The following UBAP1 variants were observed in gnomAD, a reference collection of about 807,000 sequenced individuals.
The protein encoded by UBAP1 is ubiquitin-associated protein 1.
In UBAP1, 5 loss-of-function variants were observed where a neutral mutation model predicts 39.0. The ratio of observed to expected loss-of-function variants is 0.13; its 90% confidence interval spans 0.07 to 0.27. The LOEUF is 0.27. Among genes scored for constraint, UBAP1 ranks in the 10% least tolerant of loss-of-function variants. UBAP1 has a pLI of 1.00. For synonymous variants in UBAP1, 211 were observed against 225.1 expected, an observed-to-expected ratio of 0.94 and a Z score of 0.56; for missense variants, 490 against 608.1, an observed-to-expected ratio of 0.81 and a Z score of 2.04.
At chr9:34,233,729 T>C (rs1020308270) in intron 2 of UBAP1, among the ~76,000 whole-genome samples, 4 of 151,860 alleles carry the variant, frequency 2.6e-5, no homozygotes, top group Admixed American at 6.6e-5. Context: ...AGTATTGTAG[T>C]GAGGGTGGGG....
chr9:34,186,130 T>A (rs1043153552), intron 1 of UBAP1, among the ~76,000 whole-genome samples: 2 of 152,226 alleles, frequency 1.3e-5, no homozygotes, highest in Non-Finnish European at 2.9e-5. Context: ...CATTGTGAAC[T>A]GCTTGTTCTC....
intron 1 of UBAP1, among the ~76,000 whole-genome samples, chr9:34,210,907 G>A (rs1378141598): frequency 6.6e-6 from 1 of 151,652 alleles, no homozygotes; most frequent in Non-Finnish European, 1.5e-5. Flanking sequence ...CTGCATGTCA[G>A]GCAGTATATA....
intron 1 of UBAP1, among the ~76,000 whole-genome samples, chr9:34,213,284 G>A (rs1449415689): frequency 6.6e-6 from 1 of 152,152 alleles, no homozygotes; most frequent in African/African-American, 2.4e-5. Context: ...GCCGAGGCAG[G>A]TGGATTACCT....
chr9:34,250,526 A>C (rs1288625718), intron 5 of UBAP1, 132 bp from the exon 6 acceptor site: 1 of 616,250 alleles, frequency 1.6e-6, no homozygotes, highest in Non-Finnish European at 2.8e-6. Flanking sequence ...AAGGCACAAA[A>C]TCAAATCCTA....
chr9:34,216,218 T>C (rs1832308628), intron 1 of UBAP1, among the ~76,000 whole-genome samples: 1 of 151,816 alleles, frequency 6.6e-6, no homozygotes, highest in Non-Finnish European at 1.5e-5. Context: ...AAAAAAAAAC[T>C]TACTGAGGTG....
intron 1 of UBAP1, among the ~76,000 whole-genome samples, chr9:34,187,187 C>T (rs887242812): frequency 2.6e-5 from 4 of 152,198 alleles, no homozygotes; most frequent in Non-Finnish European, 4.4e-5. Context: ...GGATTACAGG[C>T]GTGAGCCACT....
chr9:34,201,809 C>T (rs952736118), intron 1 of UBAP1, among the ~76,000 whole-genome samples: 3 of 152,134 alleles, frequency 2.0e-5, no homozygotes, highest in African/African-American at 7.2e-5. Context: ...CCCTAGCACT[C>T]ATCAGTCACA....
chr9:34,194,243 T>C (rs1830894889), intron 1 of UBAP1, among the ~76,000 whole-genome samples: 1 of 152,140 alleles, frequency 6.6e-6, no homozygotes, highest in Non-Finnish European at 1.5e-5. Flanking sequence ...GGCTAAAAAA[T>C]TATATTGCTA....
intron 1 of UBAP1, among the ~76,000 whole-genome samples, chr9:34,206,800 T>G (rs974180428): frequency 3.3e-5 from 5 of 151,950 alleles, no homozygotes; most frequent in African/African-American, 1.2e-4. Flanking sequence ...AGCATCGGAT[T>G]CTGCTTTTTT....
chr9:34,215,852 G>C (rs2131564458), intron 1 of UBAP1, among the ~76,000 whole-genome samples: 1 of 152,070 alleles, frequency 6.6e-6, no homozygotes, highest in Admixed American at 6.6e-5. Flanking sequence ...TTTGAGCTTT[G>C]AGAGACTGAA....
chr9:34,182,662 TC>T (rs749665511), intron 1 of UBAP1, among the ~76,000 whole-genome samples: 3 of 58,490 alleles, frequency 5.1e-5, no homozygotes, highest in African/African-American at 1.2e-4. Flanking sequence ...TTTCTTTCTT[TC>T]TTTCTTTCTT....
chr9:34,226,109 G>GTGTGTGTGTA (rs1188905548), intron 2 of UBAP1, among the ~76,000 whole-genome samples: 16 of 53,950 alleles, frequency 3.0e-4, no homozygotes, highest in African/African-American at 7.9e-4. Context: ...ACTCTATTGT[G>GTGTGTGTGTA]TGTGTGTGTG....
chr9:34,205,691 C>G (rs1038191226), intron 1 of UBAP1, among the ~76,000 whole-genome samples: 3 of 152,068 alleles, frequency 2.0e-5, no homozygotes, highest in Non-Finnish European at 4.4e-5. Context: ...AGCTGCAGAT[C>G]TTAAGAAATC....
At chr9:34,246,185 G>A (rs1049375722) in intron 4 of UBAP1, among the ~76,000 whole-genome samples, 1 of 152,138 alleles carries the variant, frequency 6.6e-6, no homozygotes, top group African/African-American at 2.4e-5. Flanking sequence ...TCCTGCCTCA[G>A]CCTTCTGGGT....
rs989339187 is a variant in UBAP1 at position 34,179,481 on chromosome 9, C to T, written c.-8+241C>T. Among the ~76,000 whole-genome samples, 3 of 151,750 alleles carry T rather than the reference C, an allele frequency of 2.0e-5. No individual in the cohort carries two copies. The East Asian group carries it at 5.8e-4, about 30-fold the overall frequency. On this transcript the variant is annotated intron_variant, in intron 1 of 6. Transcript: ENST00000297661. Reference sequence around the variant, plus strand: ...GAAGTGGGATGCGGAAAAATGAGTTCGGATTAAGGAGACTAATACCCTACT... The same window carrying T: ...GAAGTGGGATGCGGAAAAATGAGTTTGGATTAAGGAGACTAATACCCTACT...
At chr9:34,216,859 G>C (rs527563931) in intron 1 of UBAP1, among the ~76,000 whole-genome samples, 133 of 151,714 alleles carry the variant, frequency 8.8e-4, no homozygotes, top group African/African-American at 3.0e-3. Context: ...ATTACCCAGG[G>C]TGGTCTCAAA....
Position 34,241,786 on chromosome 9 carries a change from T to TC in UBAP1, c.767dup (p.Ile257TyrfsTer16). 6.2e-7 allele frequency: 1 copy of TC among 1,613,872 alleles called. No individual in the cohort carries two copies. The highest frequency in any genetic ancestry group is 8.5e-7 in the Non-Finnish European group (1 of 1,179,952). The stretch of plus-strand genomic sequence containing the variant: ...ATGTCACTGTCTTCCAAAGTGTCCC[T>TC]CCCCCCTATACCTGCAGTAAGCAAT... On this transcript the variant is annotated frameshift_variant, in exon 4 of 7. Coordinates refer to ENST00000297661, the MANE Select transcript of UBAP1 (RefSeq NM_016525.5). LOFTEE classifies it high-confidence loss of function.
At chr9:34,215,291 A>G (rs533217389) in intron 1 of UBAP1, among the ~76,000 whole-genome samples, 70 of 151,818 alleles carry the variant, frequency 4.6e-4, no homozygotes, top group African/African-American at 1.4e-3. Flanking sequence ...GTGTGTGTGT[A>G]TATATATGTA....
chr9:34,207,687 C>T (rs1486908924), intron 1 of UBAP1, among the ~76,000 whole-genome samples: 1 of 148,380 alleles, frequency 6.7e-6, no homozygotes, highest in Non-Finnish European at 1.5e-5. Context: ...GAGATGGGAT[C>T]TTGCAATGTT....
Sources: allele counts gnomAD v4.1 joint callset (sites outside exome capture counted in the v4.1 genomes callset), GRCh38; gene constraint gnomAD v4.1.1; transcripts MANE v1.5; gene names NCBI Gene and HGNC (gene_info 2026-07-23, HGNC 2026-07-21).